The following GRIK2 variants were observed in gnomAD, a reference collection of about 807,000 sequenced individuals.
GRIK2 encodes the protein glutamate receptor ionotropic, kainate 2.
A neutral mutation model predicts 100.3 loss-of-function variants in GRIK2; 32 were observed. The observed-to-expected ratio is 0.32, with a 90% CI of 0.24 to 0.43. GRIK2 has a LOEUF of 0.43. Ranked by LOEUF, GRIK2 falls within the 20% of genes least tolerant of loss-of-function variation. The pLI, the probability that GRIK2 is intolerant of heterozygous loss-of-function variation, is 1.00. For synonymous variants in GRIK2, 417 were observed against 389.4 expected (o/e 1.07, Z -0.83); for missense variants, 843 against 1,114.9 (o/e 0.76, Z 3.47).
At chr6:101,734,628 CTAGAGG>C (rs920885424) in intron 7 of GRIK2, among the ~76,000 whole-genome samples, 90 of 152,114 alleles carry the variant, frequency 5.9e-4, no homozygotes, top group African/African-American at 2.1e-3. Context: ...CACAGGGAGC[CTAGAGG>C]TAAAGACCTT....
At chr6:101,763,863 A>G (rs1186726391) in intron 7 of GRIK2, among the ~76,000 whole-genome samples, 3 of 151,838 alleles carry the variant, frequency 2.0e-5, no homozygotes, top group African/African-American at 7.3e-5. Context: ...TGGGCCCTGC[A>G]AATTATGAAG....
At chr6:101,865,805 C>T (rs1785016043) in intron 11 of GRIK2, among the ~76,000 whole-genome samples, 1 of 151,246 alleles carries the variant, frequency 6.6e-6, no homozygotes, top group Non-Finnish European at 1.5e-5. Context: ...ACAAGAATCA[C>T]TTGAACTTGG....
intron 15 of GRIK2, among the ~76,000 whole-genome samples, chr6:102,042,354 A>G (rs948736755): frequency 1.3e-5 from 2 of 151,654 alleles, no homozygotes; most frequent in Non-Finnish European, 1.5e-5. Context: ...AATAATGAAC[A>G]TAAAATATAA....
chr6:102,022,215 C>G (rs1769465735), intron 14 of GRIK2, among the ~76,000 whole-genome samples: 1 of 150,322 alleles, frequency 6.7e-6, no homozygotes, highest in Non-Finnish European at 1.5e-5. Flanking sequence ...ATACATATAA[C>G]TGTGTAGTAT....
At chr6:102,026,111 CATATATATATATATATATATATATATAT>C (rs6149730) in intron 14 of GRIK2, among the ~76,000 whole-genome samples, 27 of 100,236 alleles carry the variant, frequency 2.7e-4, no homozygotes, top group Admixed American at 1.4e-3. Context: ...TATACACTTA[CATATATATATATATATATATATATATAT>C]ATATATATAT....
chr6:101,574,839 T>G (rs1235987467), intron 2 of GRIK2, among the ~76,000 whole-genome samples: 1 of 151,868 alleles, frequency 6.6e-6, no homozygotes, highest in Non-Finnish European at 1.5e-5. Context: ...ACTATTAAGT[T>G]AGCTATCATT....
At chr6:101,733,056 T>C (rs772154323) in intron 7 of GRIK2, among the ~76,000 whole-genome samples, 88 of 152,244 alleles carry the variant, frequency 5.8e-4, no homozygotes, top group Non-Finnish European at 1.0e-3. Context: ...CTTCAACATA[T>C]GAATTTTGAG....
chr6:102,050,684 A>G (rs1194066837), intron 15 of GRIK2, among the ~76,000 whole-genome samples: 3 of 150,964 alleles, frequency 2.0e-5, no homozygotes, highest in South Asian at 4.2e-4. Context: ...AAGAAATAAA[A>G]AGAGAGTACA....
chr6:101,755,777 CAA>C (rs1258910139), intron 7 of GRIK2, among the ~76,000 whole-genome samples: 1 of 152,078 alleles, frequency 6.6e-6, no homozygotes, highest in African/African-American at 2.4e-5. Flanking sequence ...TACAATATGA[CAA>C]AGTGGTAACT....
At chr6:101,427,653 T>G (rs570606544) in intron 2 of GRIK2, among the ~76,000 whole-genome samples, 120 of 152,350 alleles carry the variant, frequency 7.9e-4, no homozygotes, top group African/African-American at 2.8e-3. Flanking sequence ...TTACCAGATT[T>G]GAATTATGGC....
chr6:101,679,527 C>T (rs1382725150), intron 5 of GRIK2, among the ~76,000 whole-genome samples: 1 of 152,028 alleles, frequency 6.6e-6, no homozygotes, highest in Non-Finnish European at 1.5e-5. Flanking sequence ...ATTTTATTCT[C>T]TCTAATATGT....
chr6:101,816,786 C>T (rs1217808587), intron 9 of GRIK2, among the ~76,000 whole-genome samples: 1 of 152,022 alleles, frequency 6.6e-6, no homozygotes, highest in African/African-American at 2.4e-5. Flanking sequence ...TCCATCCTTC[C>T]CTACCCAGGT....
chr6:101,739,934 C>T (rs1775915076), intron 7 of GRIK2, among the ~76,000 whole-genome samples: 1 of 152,060 alleles, frequency 6.6e-6, no homozygotes, highest in Non-Finnish European at 1.5e-5. Flanking sequence ...ATGATCATCC[C>T]CCACCCTCAA....
chr6:101,626,604 A>C lies in GRIK2; in HGVS notation c.508A>C (p.Lys170Gln). 1 of 1,613,946 alleles carries C rather than the reference A, an allele frequency of 6.2e-7. No individual in the cohort carries two copies. Among genetic ancestry groups the C allele is most frequent in the Non-Finnish European group, 8.5e-7 (1 of 1,179,844 alleles). The change falls in exon 4 of 17, where the codon AAA becomes CAA. Residue 170 changes from lysine to glutamine, a missense_variant. Coordinates refer to ENST00000369134, the MANE Select transcript of GRIK2 (RefSeq NM_021956.5). ...ILDLVQFFKW[K>Q]TVTVVYDDST... ...AGACCTGGTGCAGTTTTTCAAGTGG[A>C]AAACCGTCACGGTTGTGTATGATGA...
chr6:101,571,866 A>T (rs1777551065), intron 2 of GRIK2, among the ~76,000 whole-genome samples: 1 of 152,160 alleles, frequency 6.6e-6, no homozygotes, highest in East Asian at 1.9e-4. Context: ...ATACATAACC[A>T]TGCAGAACAT....
At chr6:101,785,861 G>A (rs1270359260) in intron 7 of GRIK2, among the ~76,000 whole-genome samples, 1 of 152,008 alleles carries the variant, frequency 6.6e-6, no homozygotes, top group African/African-American at 2.4e-5. Context: ...TGTGAAGAAT[G>A]TCATGATATA....
intron 2 of GRIK2, among the ~76,000 whole-genome samples, chr6:101,599,509 C>T (rs1292354514): frequency 2.0e-5 from 3 of 151,606 alleles, no homozygotes; most frequent in Non-Finnish European, 4.4e-5. Context: ...TTCCACAATG[C>T]CTGAACTAAT....
In GRIK2 at chr6:101,707,747, C is replaced by T. The variant is rs562105136; in HGVS notation, c.951+21394C>T. On this transcript the variant is annotated intron_variant, in intron 7 of 16. Transcript: ENST00000369134. ...ACTTACTTTACCTGAATTAATAGATCATAATTTAGCATTTGATGTATAGTC... is the reference window on the plus strand; with the variant it reads ...ACTTACTTTACCTGAATTAATAGATTATAATTTAGCATTTGATGTATAGTC... Among the ~76,000 whole-genome samples, 62 of 151,128 alleles carry T rather than the reference C, an allele frequency of 4.1e-4. 2 individuals are homozygous for T. The South Asian group carries it at 0.012, about 30-fold the overall frequency.
chr6:101,608,471 T>C (rs1779530312), intron 2 of GRIK2, among the ~76,000 whole-genome samples: 1 of 151,918 alleles, frequency 6.6e-6, no homozygotes, highest in Non-Finnish European at 1.5e-5. Context: ...AATTCTTCAA[T>C]AGCTATGTAA....
Sources: gnomAD v4.1 joint callset for allele counts (sites outside exome capture counted in the v4.1 genomes callset) on GRCh38, gnomAD v4.1.1 for gene constraint, MANE v1.5 for transcripts, NCBI Gene and HGNC (gene_info 2026-07-23, HGNC 2026-07-21) for gene names.